Variants in STEAP1B observed in about 807,000 individuals in gnomAD.
STEAP1B encodes STEAP family member 1B, also known as STEAP family protein MGC87042.
A neutral mutation model predicts 27.9 loss-of-function variants in STEAP1B; 13 were observed. The observed-to-expected ratio is 0.47, with a 90% CI of 0.30 to 0.74. The LOEUF (loss-of-function observed/expected upper bound fraction) is 0.74, where lower values mean the gene tolerates loss of function less well. Among genes scored for constraint, STEAP1B ranks in the 30% least tolerant of loss-of-function variants. STEAP1B has a pLI of 0.06. For missense variants in STEAP1B, 250 were observed against 298.7 expected (o/e 0.84, Z 1.20); for synonymous variants, 86 against 107.1 (o/e 0.80, Z 1.22).
intron 4 of STEAP1B, among the ~76,000 whole-genome samples, chr7:22,445,353 T>C (rs542009326): frequency 1.3e-5 from 2 of 152,262 alleles, no homozygotes; most frequent in Non-Finnish European, 2.9e-5. Flanking sequence ...TCAAGGGGAC[T>C]GACATCTGCA....
chr7:22,456,972 A>ATATTTTTTTTTTTTTTTTTTTTTTT, intron 4 of STEAP1B, among the ~76,000 whole-genome samples: 1 of 57,080 alleles, frequency 1.8e-5, no homozygotes, highest in East Asian at 1.3e-3. Context: ...ATATATATAT[A>ATATTTTTTTTTTTTTTTTTTTTTTT]TTTTTTTTTT....
intron 4 of STEAP1B, among the ~76,000 whole-genome samples, chr7:22,476,451 C>T (rs1319301333): frequency 1.3e-5 from 2 of 152,172 alleles, no homozygotes; most frequent in East Asian, 3.9e-4. Flanking sequence ...AAGAGGCACG[C>T]AGTTTATGGA....
At chr7:22,479,656 C>T (rs1278772906) in intron 4 of STEAP1B, among the ~76,000 whole-genome samples, 2 of 144,308 alleles carry the variant, frequency 1.4e-5, no homozygotes, top group Non-Finnish European at 3.0e-5. Context: ...TTGTGCAAGA[C>T]AGTAGCCACT....
intron 4 of STEAP1B, among the ~76,000 whole-genome samples, chr7:22,463,407 T>A: frequency 6.6e-6 from 1 of 152,044 alleles, no homozygotes; most frequent in Non-Finnish European, 1.5e-5. Context: ...TTCAATGCCA[T>A]CCCCATCAAG....
intron 4 of STEAP1B, among the ~76,000 whole-genome samples, chr7:22,431,333 GCAGGAAGTGGGAAAAAAA>G (rs1785184621): frequency 6.6e-6 from 1 of 152,100 alleles, no homozygotes; most frequent in Non-Finnish European, 1.5e-5. Flanking sequence ...ATTATGTCCA[GCAGGAAGTGGGAAAAAAA>G]AATCTCTCTC....
chr7:22,431,011 TTC>T (rs1326329389), intron 4 of STEAP1B, among the ~76,000 whole-genome samples: 1 of 152,358 alleles, frequency 6.6e-6, no homozygotes, highest in African/African-American at 2.4e-5. Context: ...CATCCTATGG[TTC>T]TCTGTCTTTT....
intron 4 of STEAP1B, among the ~76,000 whole-genome samples, chr7:22,433,736 T>C (rs1472870709): frequency 1.3e-5 from 2 of 152,200 alleles, no homozygotes; most frequent in Non-Finnish European, 2.9e-5. Context: ...TCCAAAAAGC[T>C]ACCCACCACT....
chr7:22,448,989 T>A (rs753906584), intron 4 of STEAP1B, among the ~76,000 whole-genome samples: 2 of 152,218 alleles, frequency 1.3e-5, no homozygotes, highest in African/African-American at 2.4e-5. Flanking sequence ...GTAATTTTTT[T>A]AATTTTTTAA....
chr7:22,426,500 C>T (rs2686493), intron 4 of STEAP1B, among the ~76,000 whole-genome samples: 108,846 of 152,136 alleles, frequency 0.72, 39,331 homozygotes, highest in Middle Eastern at 0.78. Flanking sequence ...CTCCCTTTCT[C>T]CACCCCAACT....
intron 4 of STEAP1B, among the ~76,000 whole-genome samples, chr7:22,443,964 G>A (rs1785371672): frequency 6.6e-6 from 1 of 152,226 alleles, no homozygotes; most frequent in South Asian, 2.1e-4. Flanking sequence ...GACCCTCAGG[G>A]GGTGCTGAGT....
intron 4 of STEAP1B, among the ~76,000 whole-genome samples, chr7:22,440,195 G>A (rs1785311561): frequency 6.6e-6 from 1 of 152,138 alleles, no homozygotes; most frequent in African/African-American, 2.4e-5. Flanking sequence ...ATCGAGGGGG[G>A]AAATTAACAA....
chr7:22,464,339 G>C (rs908321306), intron 4 of STEAP1B, among the ~76,000 whole-genome samples: 2 of 152,168 alleles, frequency 1.3e-5, no homozygotes, highest in Non-Finnish European at 2.9e-5. Flanking sequence ...CCTGACTGCT[G>C]TCTGGACAGC....
chr7:22,428,028 A>T (rs1785130596), intron 4 of STEAP1B, among the ~76,000 whole-genome samples: 1 of 152,204 alleles, frequency 6.6e-6, no homozygotes, highest in Admixed American at 6.5e-5. Flanking sequence ...TTCTGTAGGG[A>T]TGGGCTGGCC....
intron 3 of STEAP1B, 147 bp downstream of exon 3, chr7:22,493,177 G>A: frequency 9.7e-7 from 1 of 1,035,756 alleles, no homozygotes; most frequent in Non-Finnish European, 1.4e-6. Context: ...AAGCCCTAGT[G>A]TAATTATAAG....
chr7:22,493,435 C>T lies in STEAP1B; in HGVS notation c.486G>A (p.Lys162=). 2 of 1,613,784 alleles carry T rather than the reference C, an allele frequency of 1.2e-6. No homozygotes were observed. The highest frequency in any genetic ancestry group is 2.2e-5 in the South Asian group (2 of 91,078). ...HWLDKWMLTR[K]QFGLLSLFFA... ...AAAACAAACTGAGAAGCCCAAACTG[C>T]TTTCTTGTTAACATCCACTTATCCA... Residue 162 remains lysine (K), a synonymous_variant, in exon 3 of 5, where the codon AAG becomes AAA. Coordinates refer to ENST00000678116, the MANE Select transcript of STEAP1B (RefSeq NM_001382447.1).
intron 4 of STEAP1B, among the ~76,000 whole-genome samples, chr7:22,492,078 T>C (rs1207761704): frequency 6.6e-6 from 1 of 151,844 alleles, no homozygotes; most frequent in Non-Finnish European, 1.5e-5. Flanking sequence ...TCCCAGCACT[T>C]TGGGAGGCCG....
intron 4 of STEAP1B, among the ~76,000 whole-genome samples, chr7:22,482,493 G>C (rs1452287583): frequency 6.6e-6 from 1 of 152,140 alleles, no homozygotes; most frequent in Non-Finnish European, 1.5e-5. Flanking sequence ...AGGCAGAGAG[G>C]AGAGCTAAGG....
intron 4 of STEAP1B, among the ~76,000 whole-genome samples, chr7:22,432,599 T>A (rs1020522890): frequency 2.0e-5 from 3 of 152,008 alleles, no homozygotes; most frequent in Non-Finnish European, 2.9e-5. Flanking sequence ...TTCCATTGTT[T>A]ACAGGCTACC....
Position 22,419,849 on chromosome 7 carries a change from C to G in STEAP1B, c.763-13G>C. On this transcript the variant is annotated splice_polypyrimidine_tract_variant and intron_variant, in intron 4 of 4. Transcript: ENST00000678116. ...TCCTACCATGTACCTGGAAGGCAGA[C>G]AGCAAGAAAGAGTTGATGTATAGAA... 1 of 1,549,336 alleles carries G rather than the reference C, an allele frequency of 6.5e-7. No homozygotes were observed. The highest frequency in any genetic ancestry group is 8.7e-7 in the Non-Finnish European group (1 of 1,145,540).
Sources: gnomAD v4.1 joint callset for allele counts (sites outside exome capture counted in the v4.1 genomes callset) on GRCh38, gnomAD v4.1.1 for gene constraint, MANE v1.5 for transcripts, NCBI Gene and HGNC (gene_info 2026-07-23, HGNC 2026-07-21) for gene names.